TXNRD1: variants seen among roughly 807,000 people sequenced by gnomAD.
TXNRD1 encodes the protein thioredoxin reductase 1, also known as thioredoxin reductase 1, cytoplasmic.
A neutral mutation model predicts 80.3 loss-of-function variants in TXNRD1; 57 were observed. That is an observed-to-expected ratio of 0.71 (90% CI 0.57 to 0.89). The LOEUF is 0.89. Ranked by LOEUF, TXNRD1 falls within the 40% of genes least tolerant of loss-of-function variation. TXNRD1 has a pLI of 0.00. For missense variants in TXNRD1, 730 were observed against 803.0 expected, an observed-to-expected ratio of 0.91 and a Z score of 1.10; for synonymous variants, 291 against 285.2, an observed-to-expected ratio of 1.02 and a Z score of -0.20.
intron 1 of TXNRD1, among the ~76,000 whole-genome samples, chr12:104,251,287 T>A (rs902535258): frequency 1.2e-4 from 19 of 152,148 alleles, no homozygotes; most frequent in Non-Finnish European, 2.6e-4. Flanking sequence ...GTTGGCAGGA[T>A]CCCCTGAGAA....
chr12:104,308,978 A>G (rs1412964856), intron 4 of TXNRD1, among the ~76,000 whole-genome samples: 2 of 150,458 alleles, frequency 1.3e-5, no homozygotes, highest in Admixed American at 6.7e-5. Context: ...GCTCACTGCA[A>G]TCTCCGCCTC....
At chr12:104,311,662 A>C (rs1003747805) in intron 5 of TXNRD1, among the ~76,000 whole-genome samples, 1 of 151,942 alleles carries the variant, frequency 6.6e-6, no homozygotes, top group Non-Finnish European at 1.5e-5. Flanking sequence ...CGTTCACTTT[A>C]AGTTTAATTG....
intron 1 of TXNRD1, among the ~76,000 whole-genome samples, chr12:104,223,788 A>T (rs541774312): frequency 6.2e-4 from 94 of 152,302 alleles, no homozygotes; most frequent in African/African-American, 2.2e-3. Context: ...ACTGGTGAGG[A>T]GGGAGCATGA....
chr12:104,244,129 G>C (rs191269584), intron 1 of TXNRD1, among the ~76,000 whole-genome samples: 168 of 152,320 alleles, frequency 1.1e-3, no homozygotes, highest in African/African-American at 3.8e-3. Flanking sequence ...AAAGAGATAA[G>C]TATCAGTTAT....
At chr12:104,312,348 C>T (rs2035169798) in intron 5 of TXNRD1, among the ~76,000 whole-genome samples, 1 of 152,122 alleles carries the variant, frequency 6.6e-6, no homozygotes, top group African/African-American at 2.4e-5. Flanking sequence ...ATGTGAGGAC[C>T]CCTTGGGCCT....
At chr12:104,311,583 C>G (rs1367118987) in intron 5 of TXNRD1, among the ~76,000 whole-genome samples, 171 bp downstream of exon 5, 1 of 152,198 alleles carries the variant, frequency 6.6e-6, no homozygotes, top group Non-Finnish European at 1.5e-5. Context: ...CTTTATAAAT[C>G]ATTTTTCCAG....
At chr12:104,273,189 A>G (rs1474605158) in intron 3 of TXNRD1, among the ~76,000 whole-genome samples, 1 of 152,164 alleles carries the variant, frequency 6.6e-6, no homozygotes, top group Non-Finnish European at 1.5e-5. Context: ...GGCTTATTCA[A>G]CGCAAGACTG....
chr12:104,294,847 G>GT (rs1158489080), intron 4 of TXNRD1, among the ~76,000 whole-genome samples: 1 of 152,238 alleles, frequency 6.6e-6, no homozygotes, highest in Non-Finnish European at 1.5e-5. Flanking sequence ...GACATGAGTG[G>GT]TAATTGAATA....
chr12:104,287,911 T>A (rs963401436), intron 3 of TXNRD1, among the ~76,000 whole-genome samples: 1 of 152,236 alleles, frequency 6.6e-6, no homozygotes, highest in African/African-American at 2.4e-5. Context: ...TGTAAATATA[T>A]GTGAAGCAGT....
chr12:104,299,400 A>G (rs1228442992), intron 4 of TXNRD1, among the ~76,000 whole-genome samples: 1 of 148,388 alleles, frequency 6.7e-6, no homozygotes, highest in Non-Finnish European at 1.5e-5. Context: ...CTGTCTTATC[A>G]TAGCAAAGTT....
chr12:104,329,307 G>A (rs1224409920), intron 13 of TXNRD1, among the ~76,000 whole-genome samples: 1 of 150,252 alleles, frequency 6.7e-6, no homozygotes, highest in African/African-American at 2.5e-5. Context: ...ATGTCTCAGT[G>A]GTTTCCTTAA....
chr12:104,292,671 AGT>A (rs2034267701), intron 4 of TXNRD1, among the ~76,000 whole-genome samples: 1 of 152,136 alleles, frequency 6.6e-6, no homozygotes, highest in Non-Finnish European at 1.5e-5. Context: ...CTGGGATTAC[AGT>A]GTGAGCCACC....
rs181813669 is a variant in TXNRD1 at position 104,338,370 on chromosome 12, C to T, written c.1747-769C>T. 2.6e-5 allele frequency among the ~76,000 whole-genome samples: 4 copies of T among 151,694 alleles called. No homozygotes were observed. In the East Asian group the frequency reaches 7.8e-4, roughly 30 times the overall value. ...TGGTTCATGTTGGGGAGTCTTTAGC[C>T]TAAGTAGCTGTTAGCAGCAGTCATT... On this transcript the variant is annotated intron_variant, in intron 15 of 16. Coordinates refer to ENST00000525566, the MANE Select transcript of TXNRD1 (RefSeq NM_001093771.3).
At chr12:104,258,166 G>A in intron 3 of TXNRD1, 87 bp downstream of exon 3, 1 of 1,113,858 alleles carries the variant, frequency 9.0e-7, no homozygotes, top group Non-Finnish European at 1.3e-6. Context: ...TGTCTTCCTT[G>A]AGGTTTTTAT....
intron 14 of TXNRD1, among the ~76,000 whole-genome samples, 156 bp downstream of exon 14, chr12:104,331,797 C>T (rs1415214402): frequency 6.6e-6 from 1 of 150,948 alleles, no homozygotes; most frequent in Non-Finnish European, 1.5e-5. Flanking sequence ...TTATTTTATA[C>T]ACTTTTAGTA....
intron 10 of TXNRD1, among the ~76,000 whole-genome samples, chr12:104,324,110 T>A (rs564141239): frequency 3.5e-4 from 53 of 152,252 alleles, no homozygotes; most frequent in African/African-American, 1.3e-3. Flanking sequence ...AGTACAAAAG[T>A]GAATAAGGGT....
chr12:104,261,958 G>A lies in TXNRD1; in HGVS notation c.304+3879G>A, dbSNP rs547734508. Among the ~76,000 whole-genome samples the A allele has an allele frequency of 5.3e-5, 8 of 152,086 alleles. No individual in the cohort carries two copies. In the East Asian group the frequency reaches 1.6e-3, roughly 30 times the overall value. On this transcript the variant is annotated intron_variant, in intron 3 of 16. Transcript: ENST00000525566. ...AGACAGGTTTTCACCGTGTTGGTCAGGCTGGTCTCAAACTCCTGATGTCAG... is the reference window on the plus strand; with the variant it reads ...AGACAGGTTTTCACCGTGTTGGTCAAGCTGGTCTCAAACTCCTGATGTCAG...
At chr12:104,312,122 T>C (rs1207395596) in intron 5 of TXNRD1, among the ~76,000 whole-genome samples, 1 of 152,204 alleles carries the variant, frequency 6.6e-6, no homozygotes, top group African/African-American at 2.4e-5. Context: ...TTCACTTGAA[T>C]GATTTCCCTG....
intron 16 of TXNRD1, chr12:104,346,112 A>C: frequency 2.9e-6 from 2 of 697,672 alleles, no homozygotes; most frequent in Non-Finnish European, 4.4e-6. Context: ...TTTCAAGCTC[A>C]AGCGATGTTC....
Sources: gnomAD v4.1 joint callset for allele counts (sites outside exome capture counted in the v4.1 genomes callset) on GRCh38, gnomAD v4.1.1 for gene constraint, MANE v1.5 for transcripts, NCBI Gene and HGNC (gene_info 2026-07-23, HGNC 2026-07-21) for gene names.